The following MED13 variants were observed in gnomAD, a reference collection of about 807,000 sequenced individuals.
MED13 encodes mediator of RNA polymerase II transcription subunit 13.
MED13 carries 23 observed loss-of-function variants against 225.2 expected under a neutral mutation model. The observed-to-expected ratio is 0.10, with a 90% CI of 0.07 to 0.14. The LOEUF (loss-of-function observed/expected upper bound fraction) is 0.14, where lower values mean the gene tolerates loss of function less well. Among genes scored for constraint, MED13 ranks in the 10% least tolerant of loss-of-function variants. MED13 has a pLI of 1.00. For missense variants in MED13, 2,197 were observed against 2,594.5 expected, an observed-to-expected ratio of 0.85 and a Z score of 3.33; for synonymous variants, 942 against 889.2, an observed-to-expected ratio of 1.06 and a Z score of -1.06.
Position 62,029,944 on chromosome 17 carries a change from G to A in MED13, c.1079C>T (p.Thr360Ile), listed in dbSNP as rs759054551. 17 of 1,613,732 alleles carry A rather than the reference G, an allele frequency of 1.1e-5. No individual in the cohort carries two copies. The highest frequency in any genetic ancestry group is 1.3e-5 in the Non-Finnish European group (15 of 1,179,952). ...SVSDGFNSDS[T>I]SHHGGKIPRK... ...GGGTATTTTCCCACCATGGTGGCTA[G>A]TACTATCGGAGTTGAAGCCATCAGA... Residue 360 changes from threonine to isoleucine, a missense_variant, in exon 7 of 30, where the codon ACT (threonine) becomes ATT (isoleucine). By Grantham distance (89) the Thr-to-Ile change is moderately conservative. Transcript: ENST00000397786.
At chr17:62,057,813 T>A (rs1488014944) in intron 2 of MED13, among the ~76,000 whole-genome samples, 2 of 152,208 alleles carry the variant, frequency 1.3e-5, no homozygotes, top group Admixed American at 1.3e-4. Context: ...AACAAATATT[T>A]TTAGCCCTGA....
intron 2 of MED13, 65 bp downstream of exon 2, chr17:62,063,002 T>A: frequency 7.9e-7 from 1 of 1,262,984 alleles, no homozygotes; most frequent in South Asian, 1.3e-5. Context: ...GTAATACATA[T>A]GACATTCTGG....
At position 62,029,837 on chromosome 17, in the gene MED13, A is replaced by G. The variant is rs1322621638; in HGVS notation, c.1172+14T>C. ...CAACATGCAATTTTTGAACTTATAA[A>G]TGAAAATACACACTTGTTCTGTGCT... On this transcript the variant is annotated intron_variant, in intron 7 of 29. Transcript: ENST00000397786. 6.4e-7 allele frequency: 1 copy of G among 1,573,052 alleles called. No homozygotes were observed. Among genetic ancestry groups the G allele is most frequent in the Admixed American group, 1.9e-5 (1 of 51,284 alleles).
At chr17:61,950,054 A>G (rs2079883854) in intron 28 of MED13, among the ~76,000 whole-genome samples, 1 of 152,252 alleles carries the variant, frequency 6.6e-6, no homozygotes, top group Non-Finnish European at 1.5e-5. Flanking sequence ...AATTCAAAGA[A>G]TAACATAATA....
chr17:61,966,479 A>G lies in MED13; in HGVS notation c.4364T>C (p.Val1455Ala). 1 of 1,612,666 alleles carries G rather than the reference A, an allele frequency of 6.2e-7. No individual in the cohort carries two copies. The highest frequency in any genetic ancestry group is 8.5e-7 in the Non-Finnish European group (1 of 1,179,388). ...AFSKLKLYAQ[V>A]CRYDLGPYLA... Reference sequence around the variant, plus strand: ...TTCAATACCTAGGTCATATCTGCAGACTTGTGCATAAAGCTTGAGTTTAGA... The same window carrying G: ...TTCAATACCTAGGTCATATCTGCAGGCTTGTGCATAAAGCTTGAGTTTAGA... Residue 1455 changes from valine to alanine, a missense_variant, in exon 19 of 30, where the codon GTC becomes GCC. Transcript: ENST00000397786.
chr17:61,999,976 G>A (rs1478478109), intron 9 of MED13, among the ~76,000 whole-genome samples: 1 of 152,154 alleles, frequency 6.6e-6, no homozygotes, highest in Non-Finnish European at 1.5e-5. Flanking sequence ...AGGCTAAGGA[G>A]GATGGATGGC....
rs1190766881 is a variant in MED13, at chr17:61,950,842, A to C, written c.6274T>G (p.Cys2092Gly). The C allele has an allele frequency of 6.2e-7, 1 of 1,611,250 alleles. No homozygotes were observed. ...GGCAATACCTTAAGAAAAAGGGGACACTGATATTGTGCTTGAGGACATGCT... is the reference window on the plus strand; with the variant it reads ...GGCAATACCTTAAGAAAAAGGGGACCCTGATATTGTGCTTGAGGACATGCT... ...WSACPQAQYQ[C>G]PLFLKASLHL... Residue 2092 changes from cysteine to glycine, a missense_variant, in exon 28 of 30, where the codon TGT becomes GGT. This residue lies in a region of MED13 where 216 missense variants were observed against 388.9 expected (regional missense o/e 0.56). Transcript: ENST00000397786.
intron 2 of MED13, among the ~76,000 whole-genome samples, chr17:62,062,590 CACACACACACCACACACACA>C (rs1351675189): frequency 0.011 from 868 of 78,306 alleles, 7 homozygotes; most frequent in African/African-American, 0.06. Context: ...CACACACACA[CACACACACACCACACACACA>C]CACACACACA....
At chr17:61,964,072 TCTA>T (rs1277823835) in intron 20 of MED13, among the ~76,000 whole-genome samples, 2 of 152,174 alleles carry the variant, frequency 1.3e-5, no homozygotes, top group Non-Finnish European at 2.9e-5. Context: ...CTCTAAAGCC[TCTA>T]AATAGAGTGG....
chr17:62,050,555 G>GTTA (rs2080947903), intron 3 of MED13, among the ~76,000 whole-genome samples: 1 of 151,414 alleles, frequency 6.6e-6, no homozygotes, highest in African/African-American at 2.4e-5. Context: ...GAATAAGCAT[G>GTTA]TTATGTCTTT....
intron 9 of MED13, among the ~76,000 whole-genome samples, chr17:61,998,925 CTT>C (rs10617153): frequency 0.51 from 53,186 of 104,262 alleles, 13,903 homozygotes; most frequent in East Asian, 0.78. Flanking sequence ...TTAAATGGTA[CTT>C]TTTTTTTTTT....
rs751824765 is a variant in MED13 at position 61,946,434 on chromosome 17, T to C, written c.*34A>G. The C allele has an allele frequency of 6.2e-7, 1 of 1,601,242 alleles. No individual in the cohort carries two copies. The highest frequency in any genetic ancestry group is 8.5e-7 in the Non-Finnish European group (1 of 1,172,752). ...CTGCAGCGAAACATCCATTTTTCCT[T>C]GTTCTTTTCTTGCACAGTTCCATCA... is the stretch of plus-strand genomic sequence containing the variant. On this transcript the variant is annotated 3_prime_UTR_variant, in exon 30 of 30. Transcript: ENST00000397786.
chr17:61,999,564 T>C (rs1415616789), intron 9 of MED13, among the ~76,000 whole-genome samples: 1 of 152,226 alleles, frequency 6.6e-6, no homozygotes, highest in African/African-American at 2.4e-5. Flanking sequence ...TTATGCTATG[T>C]TCCACTCCAA....
chr17:62,044,210 C>T (rs2080878900), intron 3 of MED13, among the ~76,000 whole-genome samples: 1 of 151,340 alleles, frequency 6.6e-6, no homozygotes, highest in African/African-American at 2.4e-5. Flanking sequence ...AAATTTAAAG[C>T]ATATTCTTTC....
intron 19 of MED13, among the ~76,000 whole-genome samples, chr17:61,965,831 T>A (rs532468597): frequency 6.6e-6 from 1 of 152,206 alleles, no homozygotes; most frequent in Non-Finnish European, 1.5e-5. Context: ...ATTGACTACA[T>A]TGACAGCTAA....
intron 9 of MED13, among the ~76,000 whole-genome samples, chr17:61,996,191 C>T (rs924688082): frequency 6.6e-6 from 1 of 152,144 alleles, no homozygotes; most frequent in African/African-American, 2.4e-5. Context: ...CTGATCTATA[C>T]CAAAGAACCC....
At position 61,985,054 on chromosome 17, in the gene MED13, T is replaced by C. The variant is rs1396940355; in HGVS notation, c.2422A>G (p.Lys808Glu). Reference sequence around the variant, plus strand: ...GTCTTTGATTCCTTGCAGCTGGCTTTATCATCTGATCCATTTGCTGATTTT... The same window carrying C: ...GTCTTTGATTCCTTGCAGCTGGCTTCATCATCTGATCCATTTGCTGATTTT... Reference protein sequence around the residue: ...SKKSANGSDDKASCKESKTGN... With the variant: ...SKKSANGSDDEASCKESKTGN... The change falls in exon 13 of 30, where the codon AAA (lysine) becomes GAA (glutamate). Residue 808 changes from lysine (K) to glutamate (E), a missense_variant. Physicochemically the swap from Lys to Glu is moderately conservative, Grantham distance 56. This residue lies in a region of MED13 where 41 missense variants were observed against 55.8 expected (regional missense o/e 0.73). Coordinates refer to ENST00000397786, the MANE Select transcript of MED13 (RefSeq NM_005121.3). The C allele has an allele frequency of 6.2e-7, 1 of 1,613,982 alleles. No individual in the cohort carries two copies. The highest frequency in any genetic ancestry group is 1.1e-5 in the South Asian group (1 of 91,032).
At chr17:62,015,796 C>CTATA (rs963153082) in intron 8 of MED13, among the ~76,000 whole-genome samples, 1 of 128,798 alleles carries the variant, frequency 7.8e-6, no homozygotes, top group African/African-American at 2.8e-5. Flanking sequence ...TACACACACA[C>CTATA]TATATATATC....
chr17:62,053,814 T>C (rs1320731719), intron 2 of MED13, among the ~76,000 whole-genome samples: 3 of 152,144 alleles, frequency 2.0e-5, no homozygotes, highest in Non-Finnish European at 4.4e-5. Context: ...CAAAGACATG[T>C]ATTAAGAGTT....
Sources: allele counts gnomAD v4.1 joint callset (sites outside exome capture counted in the v4.1 genomes callset), GRCh38; gene constraint gnomAD v4.1.1; regional missense constraint gnomAD v4.1.1; transcripts MANE v1.5; gene names NCBI Gene and HGNC (gene_info 2026-07-23, HGNC 2026-07-21).